Variants in TOP3A observed in about 807,000 individuals in gnomAD.
TOP3A encodes the protein DNA topoisomerase 3-alpha.
Under a neutral mutation model 111.3 loss-of-function variants are expected in TOP3A, and 64 were observed. That is an observed-to-expected ratio of 0.57 (90% CI 0.47 to 0.71). TOP3A has a LOEUF of 0.71. Ranked by LOEUF, TOP3A falls within the 30% of genes least tolerant of loss-of-function variation. The pLI, the probability that TOP3A is intolerant of heterozygous loss-of-function variation, is 0.00. For missense variants in TOP3A, 1,104 were observed against 1,285.0 expected (o/e 0.86, Z 2.15); for synonymous variants, 484 against 485.1 (o/e 1.00, Z 0.03).
chr17:18,314,303 C>G (rs769609144), intron 1 of TOP3A, among the ~76,000 whole-genome samples: 1 of 152,198 alleles, frequency 6.6e-6, no homozygotes, highest in Non-Finnish European at 1.5e-5. Flanking sequence ...TCACACAAGA[C>G]CCGAAGGGCA....
chr17:18,297,465 G>GGTCTCCA (rs1418923033), intron 9 of TOP3A, among the ~76,000 whole-genome samples: 10 of 131,364 alleles, frequency 7.6e-5, no homozygotes, highest in Non-Finnish European at 1.7e-4. Context: ...CACGGTCTCC[G>GGTCTCCA]TCTCCCTCTC....
intron 9 of TOP3A, among the ~76,000 whole-genome samples, chr17:18,295,077 G>A (rs1359515140): frequency 1.3e-5 from 2 of 152,198 alleles, no homozygotes; most frequent in African/African-American, 4.8e-5. Flanking sequence ...TTGAACTCCT[G>A]GCCTCAAGCA....
chr17:18,293,750 C>T (rs563332795), intron 10 of TOP3A, among the ~76,000 whole-genome samples: 41 of 152,158 alleles, frequency 2.7e-4, no homozygotes, highest in African/African-American at 9.9e-4. Context: ...GTGCCTGCCA[C>T]CACACCTGGC....
intron 1 of TOP3A, among the ~76,000 whole-genome samples, chr17:18,310,911 G>A (rs1981870850): frequency 6.6e-6 from 1 of 151,984 alleles, no homozygotes; most frequent in African/African-American, 2.4e-5. Context: ...AATATGCCAA[G>A]CAGTTTCAAG....
At chr17:18,293,356 G>A (rs940951867) in intron 10 of TOP3A, among the ~76,000 whole-genome samples, 1 of 152,114 alleles carries the variant, frequency 6.6e-6, no homozygotes, top group African/African-American at 2.4e-5. Flanking sequence ...CGCAAGCTTG[G>A]CTCACTGTGG....
intron 13 of TOP3A, among the ~76,000 whole-genome samples, chr17:18,288,072 T>C (rs1172651590): frequency 6.7e-6 from 1 of 149,946 alleles, no homozygotes; most frequent in African/African-American, 2.5e-5. Context: ...TGCTAAAAAA[T>C]GTACATTATA....
At chr17:18,296,057 C>T (rs567870409) in intron 9 of TOP3A, among the ~76,000 whole-genome samples, 8 of 152,090 alleles carry the variant, frequency 5.3e-5, no homozygotes, top group South Asian at 2.1e-4. Context: ...TGAGCCACTG[C>T]GCCCGGCCCG....
chr17:18,276,393 C>T (rs1979374963), intron 18 of TOP3A, among the ~76,000 whole-genome samples: 1 of 152,198 alleles, frequency 6.6e-6, no homozygotes, highest in South Asian at 2.1e-4. Context: ...CATCTCACTT[C>T]AAATGTGGGT....
chr17:18,288,643 C>T (rs1185733876), intron 13 of TOP3A, among the ~76,000 whole-genome samples: 1 of 152,116 alleles, frequency 6.6e-6, no homozygotes, highest in East Asian at 1.9e-4. Flanking sequence ...CCCTCCAATC[C>T]AGCTACAGCA....
chr17:18,282,980 C>A lies in TOP3A; in HGVS notation c.1878-139G>T, dbSNP rs557834782. ...CCGCAGGCCTCCTGCAGAGAACAGA[C>A]GGCAGACAGAAGACTGAGCTCACCA... On this transcript the variant is annotated intron_variant, in intron 15 of 18. Transcript: ENST00000321105. 4 of 1,124,198 alleles carry A rather than the reference C, an allele frequency of 3.6e-6. No homozygotes were observed. In the African/African-American group the frequency reaches 6.2e-5, roughly 17 times the overall value. 69.6% of individuals were successfully genotyped at this position (1,124,198 alleles called of 1,614,324 possible).
rs4925168 is a variant in TOP3A, at chr17:18,313,546, A to G, written c.180+1053T>C. On this transcript the variant is annotated intron_variant, in intron 1 of 18. Transcript: ENST00000321105. ...ATTCATGGTATGATAGGGTAAAAATAGATAAATACAAGACCTCTGGATTGC... is the reference window on the plus strand; with the variant it reads ...ATTCATGGTATGATAGGGTAAAAATGGATAAATACAAGACCTCTGGATTGC... 290 of 152,528 alleles carry G rather than the reference A, an allele frequency of 1.9e-3. 1 individual carries two copies. Among genetic ancestry groups the G allele is most frequent in the Middle Eastern group, 6.1e-3 (2 of 328 alleles). 9.4% of individuals were successfully genotyped at this position (152,528 alleles called of 1,614,324 possible).
chr17:18,277,116 G>C (rs1424318561), intron 18 of TOP3A, among the ~76,000 whole-genome samples: 1 of 147,242 alleles, frequency 6.8e-6, no homozygotes, highest in Non-Finnish European at 1.5e-5. Context: ...CCTGGGAGGT[G>C]GAAGTTGCAG....
rs370390988 is a variant in TOP3A at position 18,277,879 on chromosome 17, G to C, written c.2623C>G (p.Pro875Ala). The C allele has an allele frequency of 8.1e-6, 13 of 1,614,006 alleles. No homozygotes were observed. Among genetic ancestry groups the C allele is most frequent in the Non-Finnish European group, 1.0e-5 (12 of 1,179,994 alleles). The change falls in exon 18 of 19, where the codon CCA becomes GCA. Residue 875 changes from proline to alanine, a missense_variant. By Grantham distance (27) the Pro-to-Ala change is conservative (BLOSUM62 -1). Coordinates refer to ENST00000321105, the MANE Select transcript of TOP3A (RefSeq NM_004618.5). ...CCACCTAGGTGGATCCCTGGGCCTG[G>C]TGGGCATCCCAGGGAGGCGCCCAGG... is the stretch of plus-strand genomic sequence containing the variant. ...RPLGASLGCPPGPGIHLGGFG... is the reference protein window; with the variant it reads ...RPLGASLGCPAGPGIHLGGFG...
chr17:18,273,940 A>G lies in TOP3A; in HGVS notation c.*862T>C, dbSNP rs1270688453. ...GCCCTGCCGGGGTTGGATTCTTTTT[A>G]TTTTTTTAAATTTTTAAATTTTTTT... On this transcript the variant is annotated 3_prime_UTR_variant, in exon 19 of 19. Transcript: ENST00000321105. 1.3e-5 allele frequency: 2 copies of G among 151,624 alleles called. No homozygotes were observed. The highest frequency in any genetic ancestry group is 2.9e-5 in the Non-Finnish European group (2 of 67,938). The allele number at this position is 151,624 out of a possible 1,614,324, so 9.4% of individuals were successfully genotyped here.
Position 18,274,128 on chromosome 17 carries a change from G to T in TOP3A, c.*674C>A. 1 of 152,256 alleles carries T rather than the reference G, an allele frequency of 6.6e-6. No homozygotes were observed. Among genetic ancestry groups the T allele is most frequent in the Non-Finnish European group, 1.5e-5 (1 of 68,096 alleles). The allele number at this position is 152,256 out of a possible 1,614,324, so 9.4% of individuals were successfully genotyped here. A position where few individuals can be genotyped will look rare whatever the true frequency, so the allele number is the denominator to read the frequency against. On this transcript the variant is annotated 3_prime_UTR_variant, in exon 19 of 19. Transcript: ENST00000321105. ...ATTTTTTGTATTTTAGTAGAGACAG[G>T]GTTTCACCATGTTGCCCTGGCTGGT...
chr17:18,286,275 G>A (rs979570641), intron 13 of TOP3A, among the ~76,000 whole-genome samples: 3 of 151,538 alleles, frequency 2.0e-5, no homozygotes, highest in African/African-American at 7.3e-5. Context: ...AAGCCGAAGC[G>A]GGCAGATCAC....
At chr17:18,290,715 G>A (rs1339668612) in intron 12 of TOP3A, 29 bp from the exon 13 acceptor site, 2 of 1,581,492 alleles carry the variant, frequency 1.3e-6, no homozygotes, top group Admixed American at 1.8e-5. Context: ...GCAACAGTCA[G>A]ATGATTCCAT....
chr17:18,302,556 G>T lies in TOP3A; in HGVS notation c.643+24C>A, dbSNP rs746440397. 2.5e-6 allele frequency: 4 copies of T among 1,611,022 alleles called. No individual in the cohort carries two copies. The African/African-American group carries it at 5.3e-5, about 22-fold the overall frequency. ...ATAACACAACATTAATGTGGCCATGGGAGAGGTCTGCCTAGCTCCTCACCA... is the reference window on the plus strand; with the variant it reads ...ATAACACAACATTAATGTGGCCATGTGAGAGGTCTGCCTAGCTCCTCACCA... On this transcript the variant is annotated intron_variant, in intron 6 of 18. Transcript: ENST00000321105.
At chr17:18,306,755 A>T in intron 4 of TOP3A, 136 bp downstream of exon 4, 1 of 651,330 alleles carries the variant, frequency 1.5e-6, no homozygotes, top group Non-Finnish European at 2.7e-6. Context: ...AATGGGTGGG[A>T]ACCAGCTTTT....
Sources: allele counts gnomAD v4.1 joint callset (sites outside exome capture counted in the v4.1 genomes callset), GRCh38; gene constraint gnomAD v4.1.1; transcripts MANE v1.5; gene names NCBI Gene and HGNC (gene_info 2026-07-23, HGNC 2026-07-21).